Variants in ZNF208 observed in about 807,000 individuals in gnomAD.
ZNF208 encodes the protein zinc finger protein 95.
A neutral mutation model predicts 12.1 loss-of-function variants in ZNF208; 10 were observed. That is an observed-to-expected ratio of 0.83 (90% CI 0.51 to 1.40). The LOEUF is 1.40. Among genes scored for constraint, ZNF208 ranks in the 40% most tolerant of loss-of-function variants. The pLI is 0.00. For synonymous variants in ZNF208, 497 were observed against 488.4 expected, an observed-to-expected ratio of 1.02 and a Z score of -0.23; for missense variants, 1,652 against 1,485.0, an observed-to-expected ratio of 1.11 and a Z score of -1.85.
At chr19:21,982,076 G>A (rs1249545564) in intron 3 of ZNF208, among the ~76,000 whole-genome samples, 1 of 152,122 alleles carries the variant, frequency 6.6e-6, no homozygotes, top group East Asian at 1.9e-4. Context: ...AACTTTCCAT[G>A]GCTGGGCGCA....
At position 21,967,388 on chromosome 19, in the gene ZNF208, T is replaced by C. The variant is rs1307800373; in HGVS notation, c.*3803A>G. On this transcript the variant is annotated 3_prime_UTR_variant, in exon 4 of 4. Coordinates refer to ENST00000397126, the MANE Select transcript of ZNF208 (RefSeq NM_007153.3). Reference sequence around the variant, plus strand: ...GCTTAATTCAGTACTCTCTCTTCCATTTCATTGGTCTAGATGTTTATTTTT... The same window carrying C: ...GCTTAATTCAGTACTCTCTCTTCCACTTCATTGGTCTAGATGTTTATTTTT... 1 of 152,150 alleles carries C rather than the reference T, an allele frequency of 6.6e-6. No individual in the cohort carries two copies. The highest frequency in any genetic ancestry group is 1.5e-5 in the Non-Finnish European group (1 of 68,022). 9.4% of individuals were successfully genotyped at this position (152,150 alleles called of 1,614,324 possible).
chr19:21,999,047 A>G (rs1423883331), intron 1 of ZNF208, among the ~76,000 whole-genome samples: 1 of 26,856 alleles, frequency 3.7e-5, no homozygotes, highest in African/African-American at 1.7e-4. Flanking sequence ...ATAATTTTAT[A>G]GCATAATTTT....
intron 1 of ZNF208, among the ~76,000 whole-genome samples, chr19:21,995,127 T>C (rs1970810618): frequency 6.6e-6 from 1 of 151,954 alleles, no homozygotes; most frequent in African/African-American, 2.4e-5. Flanking sequence ...AATTTGGGTA[T>C]TTTTAGTAGA....
At chr19:21,989,801 T>G (rs1970698385) in intron 1 of ZNF208, among the ~76,000 whole-genome samples, 1 of 152,196 alleles carries the variant, frequency 6.6e-6, no homozygotes, top group African/African-American at 2.4e-5. Context: ...GGTATCTCAT[T>G]GTGGTTTTGA....
chr19:22,001,892 C>CAAAAAACAAAAAAAAAA (rs1970956426), intron 1 of ZNF208, among the ~76,000 whole-genome samples: 1 of 74,106 alleles, frequency 1.3e-5, no homozygotes, highest in Admixed American at 1.7e-4. Context: ...GACTCCATCC[C>CAAAAAACAAAAAAAAAA]AAAAAAAAAA....
At chr19:22,002,216 A>G (rs1365040059) in intron 1 of ZNF208, among the ~76,000 whole-genome samples, 3 of 152,200 alleles carry the variant, frequency 2.0e-5, no homozygotes, top group Non-Finnish European at 4.4e-5. Context: ...TAAGTTATCT[A>G]TGACAAACCC....
chr19:21,985,105 G>A (rs762864703), intron 3 of ZNF208, among the ~76,000 whole-genome samples: 16 of 152,004 alleles, frequency 1.1e-4, no homozygotes, highest in South Asian at 2.1e-4. Flanking sequence ...CAATTATAAC[G>A]ATAAATCTTG....
Position 21,974,641 on chromosome 19 carries a change from A to T in ZNF208, c.393T>A (p.Asn131Lys). ...TAGTTGTCAAACTCTGGTTAAGTTT[A>T]TTATAACCTTCTTTGTGCACCTTAC... ...DECKVHKEGYNKLNQSLTTTQ... is the reference protein window; with the variant it reads ...DECKVHKEGYKKLNQSLTTTQ... Residue 131 changes from asparagine (N) to lysine (K), a missense_variant, in exon 4 of 4, where the codon AAT (asparagine) becomes AAA (lysine). This residue lies in a region of ZNF208 where 410 missense variants were observed against 378.2 expected (regional missense o/e 1.08). Coordinates refer to ENST00000397126, the MANE Select transcript of ZNF208 (RefSeq NM_007153.3). The T allele has an allele frequency of 6.2e-7, 1 of 1,613,740 alleles. No individual in the cohort carries two copies. Among genetic ancestry groups the T allele is most frequent in the Non-Finnish European group, 8.5e-7 (1 of 1,179,774 alleles).
intron 4 of ZNF208, among the ~76,000 whole-genome samples, chr19:21,947,569 A>G (rs756155551): frequency 2.7e-4 from 41 of 152,336 alleles, no homozygotes; most frequent in Middle Eastern, 3.4e-3. Flanking sequence ...TTTATCACTG[A>G]TAAGGCCTCA....
chr19:22,009,292 C>T (rs1309217382), intron 1 of ZNF208, among the ~76,000 whole-genome samples: 1 of 152,080 alleles, frequency 6.6e-6, no homozygotes, highest in Non-Finnish European at 1.5e-5. Flanking sequence ...TTACTGCAAG[C>T]CAGAGTCAGG....
intron 1 of ZNF208, 79 bp from the exon 2 acceptor site, chr19:21,988,988 G>GT (rs1388550109): frequency 4.4e-5 from 69 of 1,574,024 alleles, no homozygotes; most frequent in Non-Finnish European, 5.9e-5. Flanking sequence ...AATGCAGAGA[G>GT]TAAAGAGAGC....
At chr19:21,995,270 A>G (rs1970813874) in intron 1 of ZNF208, among the ~76,000 whole-genome samples, 1 of 151,976 alleles carries the variant, frequency 6.6e-6, no homozygotes, top group African/African-American at 2.4e-5. Flanking sequence ...CTATTTTTTT[A>G]TGACTATATG....
At chr19:21,963,053 T>C (rs1970103242), downstream of ZNF208, among the ~76,000 whole-genome samples, 1 of 152,072 alleles carries the variant, frequency 6.6e-6, no homozygotes, top group African/African-American at 2.4e-5. Context: ...TCTTTCACTA[T>C]TTGAATGCCT....
intron 1 of ZNF208, among the ~76,000 whole-genome samples, chr19:21,995,226 A>C (rs1970813079): frequency 6.6e-6 from 1 of 152,150 alleles, no homozygotes; most frequent in African/African-American, 2.4e-5. Flanking sequence ...TGCTGGGATT[A>C]CAGGTATGAG....
downstream of ZNF208, among the ~76,000 whole-genome samples, chr19:21,963,078 C>G (rs1405329506): frequency 1.3e-5 from 2 of 152,046 alleles, no homozygotes; most frequent in Non-Finnish European, 2.9e-5. Context: ...CACTTTATAT[C>G]AGTGGAAAGC....
intron 4 of ZNF208, among the ~76,000 whole-genome samples, chr19:21,953,191 C>T (rs933743336): frequency 5.3e-5 from 8 of 152,144 alleles, no homozygotes; most frequent in Middle Eastern, 3.4e-3. Flanking sequence ...ACATTTGATA[C>T]GTGTACCTGA....
chr19:21,995,057 T>G (rs1245264265), intron 1 of ZNF208, among the ~76,000 whole-genome samples: 4 of 151,508 alleles, frequency 2.6e-5, no homozygotes, highest in African/African-American at 7.3e-5. Flanking sequence ...GTTCAAGAGA[T>G]TCTCCTGCCT....
In ZNF208 at chr19:21,972,218, T is replaced by A. The variant is rs1225350245; in HGVS notation, c.2816A>T (p.His939Leu). Reference sequence around the variant, plus strand: ...ACATTTGTAGAATTTCTCTCCAGCATGAGTTTTCTTATGTTTACTAAAGAC... The same window carrying A: ...ACATTTGTAGAATTTCTCTCCAGCAAGAGTTTTCTTATGTTTACTAAAGAC... ...LSVFSKHKKT[H>L]AGEKFYKCEA... is the part of the protein sequence containing the mutation. Residue 939 changes from histidine to leucine, a missense_variant, in exon 4 of 4, where the codon CAT becomes CTT. Physicochemically the swap from His to Leu is moderately conservative, Grantham distance 99. This residue lies in a region of ZNF208 where 1,239 missense variants were observed against 1,086.2 expected (regional missense o/e 1.14). Coordinates refer to ENST00000397126, the MANE Select transcript of ZNF208 (RefSeq NM_007153.3). The A allele has an allele frequency of 6.2e-7, 1 of 1,613,274 alleles. No homozygotes were observed. The highest frequency in any genetic ancestry group is 1.1e-5 in the South Asian group (1 of 91,004).
intron 1 of ZNF208, chr19:21,998,025 TAAG>T (rs777720697): frequency 1.3e-5 from 2 of 151,690 alleles, no homozygotes; most frequent in African/African-American, 2.4e-5. Flanking sequence ...AATATTTCCC[TAAG>T]AAGAATTTCT....
Sources: allele counts gnomAD v4.1 joint callset (sites outside exome capture counted in the v4.1 genomes callset), GRCh38; gene constraint gnomAD v4.1.1; regional missense constraint gnomAD v4.1.1; transcripts MANE v1.5; gene names NCBI Gene and HGNC (gene_info 2026-07-23, HGNC 2026-07-21).